The following AGPAT3 variants were observed in gnomAD, a reference collection of about 807,000 sequenced individuals.
The protein encoded by AGPAT3 is 1-acylglycerol-3-phosphate O-acyltransferase 3.
A neutral mutation model predicts 47.3 loss-of-function variants in AGPAT3; 5 were observed. The observed-to-expected ratio is 0.11, with a 90% CI of 0.06 to 0.22. The LOEUF (loss-of-function observed/expected upper bound fraction) is 0.22. Ranked by LOEUF, AGPAT3 falls within the 10% of genes least tolerant of loss-of-function variation. AGPAT3 has a pLI of 1.00. For missense variants in AGPAT3, 315 were observed against 493.0 expected (o/e 0.64, Z 3.42); for synonymous variants, 212 against 208.3 (o/e 1.02, Z -0.15).
In AGPAT3 at chr21:43,984,082, G is replaced by A. The variant is rs559681920; in HGVS notation, c.*1690G>A. 2 of 152,326 alleles carry A rather than the reference G, an allele frequency of 1.3e-5. No individual in the cohort carries two copies. The highest frequency in any genetic ancestry group is 2.4e-5 in the African/African-American group (1 of 41,474). The allele number at this position is 152,326 out of a possible 1,614,324, so 9.4% of individuals were successfully genotyped here. A position where few individuals can be genotyped will look rare whatever the true frequency, so the allele number is the denominator to read the frequency against. ...GACGCCACCTGTGCACACCTGCTCA[G>A]AGCACGGCTCCTCGCAGGGGTGAAG... On this transcript the variant is annotated 3_prime_UTR_variant, in exon 10 of 10. Coordinates refer to ENST00000291572, the MANE Select transcript of AGPAT3 (RefSeq NM_020132.5).
chr21:43,952,856 C>T lies in AGPAT3; in HGVS notation c.-48-6778C>T, dbSNP rs979194830. On this transcript the variant is annotated intron_variant, in intron 2 of 9. Transcript: ENST00000291572. The surrounding 1 kb of genome is among the most constrained non-coding windows in gnomAD (Gnocchi z 5.6). ...AAATCAGATGGAGCCCCAGAGGTCC[C>T]ACCCCTGAGGTCCCACCCTGTGTGG... 1.3e-4 allele frequency among the ~76,000 whole-genome samples: 20 copies of T among 152,024 alleles called. No individual in the cohort carries two copies. Among genetic ancestry groups the T allele is most frequent in the African/African-American group, 4.8e-4 (20 of 41,386 alleles).
intron 2 of AGPAT3, among the ~76,000 whole-genome samples, chr21:43,940,084 G>A (rs1167216223): frequency 2.0e-5 from 3 of 152,258 alleles, no homozygotes. Flanking sequence ...ACTTCCTGCT[G>A]AGCAGATGCT....
chr21:43,921,122 A>G (rs2146193332), intron 2 of AGPAT3, among the ~76,000 whole-genome samples: 1 of 152,244 alleles, frequency 6.6e-6, no homozygotes, highest in Admixed American at 6.5e-5. Flanking sequence ...CAAAAAAACA[A>G]AACAAGACAA....
In AGPAT3 at chr21:43,981,886, A is replaced by G. The variant is rs1174461755; in HGVS notation, c.1043-418A>G. Among the ~76,000 whole-genome samples the G allele has an allele frequency of 6.6e-6, 1 of 152,200 alleles. No homozygotes were observed. The highest frequency in any genetic ancestry group is 2.4e-5 in the African/African-American group (1 of 41,436). The stretch of plus-strand genomic sequence containing the variant: ...TGCCACCAGCCTCTCCCATTGGACT[A>G]CGAGATGACTTGAGGCCACCCACAG... On this transcript the variant is annotated intron_variant, in intron 9 of 9. Coordinates refer to ENST00000291572, the MANE Select transcript of AGPAT3 (RefSeq NM_020132.5). This position sits in a 1 kb window ranked among gnomAD's most constrained non-coding sequence, Gnocchi z 5.3.
chr21:43,926,383 C>T (rs2838438), intron 2 of AGPAT3, among the ~76,000 whole-genome samples: 70,807 of 151,888 alleles, frequency 0.47, 16,624 homozygotes, highest in East Asian at 0.53. Flanking sequence ...CGTAGGACAG[C>T]GGGGTGGTCC....
At chr21:43,881,308 A>G (rs1001654861) in intron 1 of AGPAT3, among the ~76,000 whole-genome samples, 2 of 152,246 alleles carry the variant, frequency 1.3e-5, no homozygotes, top group Non-Finnish European at 2.9e-5. Context: ...CCTCAAGTGG[A>G]GAAATTAACC....
intron 1 of AGPAT3, among the ~76,000 whole-genome samples, chr21:43,870,273 A>G (rs1410669556): frequency 6.6e-6 from 1 of 152,204 alleles, no homozygotes; most frequent in Admixed American, 6.5e-5. Context: ...TTTCTAAATC[A>G]GGAGCTTATT....
At chr21:43,931,824 GT>G (rs2087253763) in intron 2 of AGPAT3, among the ~76,000 whole-genome samples, 2 of 151,838 alleles carry the variant, frequency 1.3e-5, no homozygotes, top group Non-Finnish European at 2.9e-5. Flanking sequence ...AACATTCTAG[GT>G]TTGCTGTAAA....
chr21:43,936,606 C>T (rs2838441), intron 2 of AGPAT3, among the ~76,000 whole-genome samples: 71,227 of 152,184 alleles, frequency 0.47, 16,781 homozygotes, highest in East Asian at 0.53. Context: ...ATGAGCTCTG[C>T]CCCTATAATA....
rs2030375387 is a variant in AGPAT3 at position 43,987,094 on chromosome 21, T to C, written c.*4702T>C. 6.6e-6 allele frequency among the ~76,000 whole-genome samples: 1 copy of C among 152,248 alleles called. No individual in the cohort carries two copies. The highest frequency in any genetic ancestry group is 1.5e-5 in the Non-Finnish European group (1 of 68,050). On this transcript the variant is annotated 3_prime_UTR_variant, in exon 10 of 10. Transcript: ENST00000291572. ...GCAGGCATCTGTTTATTAAAATTGC[T>C]GCTGTGAAAGACAGGGATAAAATAT...
intron 2 of AGPAT3, among the ~76,000 whole-genome samples, chr21:43,909,089 A>G (rs1283947927): frequency 6.6e-6 from 1 of 152,150 alleles, no homozygotes; most frequent in Non-Finnish European, 1.5e-5. Context: ...TCTTTGTACA[A>G]CAAACATTGT....
chr21:43,982,435 C>G lies in AGPAT3; in HGVS notation c.*43C>G. 7.0e-7 allele frequency: 1 copy of G among 1,438,346 alleles called. No individual in the cohort carries two copies. Among genetic ancestry groups the G allele is most frequent in the Non-Finnish European group, 9.8e-7 (1 of 1,024,904 alleles). 89.1% of individuals were successfully genotyped at this position (1,438,346 alleles called of 1,614,324 possible). A position where few individuals can be genotyped will look rare whatever the true frequency, so the allele number is the denominator to read the frequency against. ...ACACACGCGGCCCTGACGGTGGTAT[C>G]CAGTTAACTCAAAACCAACACACAG... is the stretch of plus-strand genomic sequence containing the variant. On this transcript the variant is annotated 3_prime_UTR_variant, in exon 10 of 10. Coordinates refer to ENST00000291572, the MANE Select transcript of AGPAT3 (RefSeq NM_020132.5). The surrounding 1 kb of genome is among the most constrained non-coding windows in gnomAD (Gnocchi z 6.2).
At chr21:43,946,977 C>G (rs1397125046) in intron 2 of AGPAT3, 1 of 152,412 alleles carries the variant, frequency 6.6e-6, no homozygotes, top group East Asian at 1.9e-4. Context: ...CCTCCACCTC[C>G]CACCCAACAT....
intron 2 of AGPAT3, among the ~76,000 whole-genome samples, chr21:43,904,802 C>G (rs2086449600): frequency 6.6e-6 from 1 of 152,176 alleles, no homozygotes; most frequent in African/African-American, 2.4e-5. Context: ...GTGTCCTTCT[C>G]CCACTGTGGC....
At chr21:43,936,739 G>T (rs1410723911) in intron 2 of AGPAT3, among the ~76,000 whole-genome samples, 1 of 152,228 alleles carries the variant, frequency 6.6e-6, no homozygotes, top group Non-Finnish European at 1.5e-5. Context: ...AGGCGCAGAG[G>T]CCTAGTGCTT....
At position 43,922,347 on chromosome 21, in the gene AGPAT3, G is replaced by A. The variant is rs2086917843; in HGVS notation, c.-49+18328G>A. On this transcript the variant is annotated intron_variant, in intron 2 of 9. Coordinates refer to ENST00000291572, the MANE Select transcript of AGPAT3 (RefSeq NM_020132.5). The surrounding 1 kb of genome is among the most constrained non-coding windows in gnomAD (Gnocchi z 4.9). ...GCGTGGGGGGAAGCGTGCGTGCGAAGGAGTGCAGCCCCCAGGACGCTGGGC... is the reference window on the plus strand; with the variant it reads ...GCGTGGGGGGAAGCGTGCGTGCGAAAGAGTGCAGCCCCCAGGACGCTGGGC... 6.6e-6 allele frequency among the ~76,000 whole-genome samples: 1 copy of A among 152,222 alleles called. No homozygotes were observed. The highest frequency in any genetic ancestry group is 2.1e-4 in the South Asian group (1 of 4,834).
chr21:43,959,300 G>A (rs370253630), intron 2 of AGPAT3, among the ~76,000 whole-genome samples: 8 of 125,736 alleles, frequency 6.4e-5, no homozygotes, highest in Non-Finnish European at 1.2e-4. Context: ...TTTGTGATGA[G>A]CTGTGGTGTG....
chr21:43,870,098 T>A (rs1178599279), intron 1 of AGPAT3, among the ~76,000 whole-genome samples: 1 of 152,162 alleles, frequency 6.6e-6, no homozygotes. Flanking sequence ...GGGCGGGATT[T>A]TGGATTAGTT....
chr21:43,936,568 A>T (rs964442434), intron 2 of AGPAT3, among the ~76,000 whole-genome samples: 5 of 152,254 alleles, frequency 3.3e-5, no homozygotes, highest in Non-Finnish European at 5.9e-5. Flanking sequence ...CACGCCGGTA[A>T]TGCCTGTGTT....
Sources: allele counts gnomAD v4.1 joint callset (sites outside exome capture counted in the v4.1 genomes callset), GRCh38; gene constraint gnomAD v4.1.1; non-coding constraint Gnocchi (gnomAD v3.1); transcripts MANE v1.5; gene names NCBI Gene and HGNC (gene_info 2026-07-23, HGNC 2026-07-21).